DTNA: variants seen among roughly 807,000 people sequenced by gnomAD.
The protein encoded by DTNA is dystrobrevin alpha.
In DTNA, 43 loss-of-function variants were observed where a neutral mutation model predicts 100.7. The ratio of observed to expected loss-of-function variants is 0.43; its 90% CI spans 0.33 to 0.55. The LOEUF (loss-of-function observed/expected upper bound fraction) is 0.55. Among genes scored for constraint, DTNA ranks in the 20% least tolerant of loss-of-function variants. DTNA has a pLI of 0.04. For missense variants in DTNA, 798 were observed against 953.9 expected (o/e 0.84, Z 2.15); for synonymous variants, 349 against 347.9 (o/e 1.00, Z -0.04).
At chr18:34,506,733 A>T (rs955652033) in intron 1 of DTNA, among the ~76,000 whole-genome samples, 1 of 152,154 alleles carries the variant, frequency 6.6e-6, no homozygotes, top group East Asian at 1.9e-4. Context: ...GATTCCAGGG[A>T]ACTCACCATC....
chr18:34,833,435 T>TGA (rs982602672), intron 11 of DTNA, among the ~76,000 whole-genome samples: 2 of 149,870 alleles, frequency 1.3e-5, no homozygotes, highest in Non-Finnish European at 3.0e-5. Context: ...TGTGTGTGTG[T>TGA]GAGAAAAATT....
At chr18:34,819,560 A>G (rs2095663878) in intron 8 of DTNA, among the ~76,000 whole-genome samples, 1 of 152,224 alleles carries the variant, frequency 6.6e-6, no homozygotes, top group Non-Finnish European at 1.5e-5. Flanking sequence ...ATCCTAAAAG[A>G]TTTGATGTTT....
intron 1 of DTNA, among the ~76,000 whole-genome samples, chr18:34,738,612 C>T (rs1842408): frequency 0.037 from 5,598 of 152,272 alleles, 325 homozygotes; most frequent in African/African-American, 0.13. Context: ...CTCTGCACCT[C>T]GGTCTCTTTA....
chr18:34,783,667 G>T (rs990065492), intron 3 of DTNA, among the ~76,000 whole-genome samples: 3 of 152,186 alleles, frequency 2.0e-5, no homozygotes, highest in Non-Finnish European at 2.9e-5. Flanking sequence ...TCTGAAGATT[G>T]TGCCTTTAGT....
At chr18:34,716,040 T>TG (rs1289401968) in intron 1 of DTNA, among the ~76,000 whole-genome samples, 6 of 152,110 alleles carry the variant, frequency 3.9e-5, no homozygotes, top group African/African-American at 1.4e-4. Context: ...CAGTGTACAC[T>TG]GGGTGCAGGT....
chr18:34,690,414 G>A (rs550008390), intron 1 of DTNA, among the ~76,000 whole-genome samples: 18 of 152,266 alleles, frequency 1.2e-4, no homozygotes, highest in East Asian at 3.9e-4. Context: ...TGCGCTTCCC[G>A]GGTGAGGCAA....
intron 17 of DTNA, chr18:34,866,222 T>C (rs2096701854): frequency 6.2e-7 from 1 of 1,612,876 alleles, no homozygotes; most frequent in African/African-American, 1.3e-5. Flanking sequence ...TAATGTATGT[T>C]CATGCTTCAG....
intron 11 of DTNA, among the ~76,000 whole-genome samples, chr18:34,835,836 T>C (rs1258948404): frequency 1.3e-5 from 2 of 152,270 alleles, no homozygotes; most frequent in African/African-American, 2.4e-5. Flanking sequence ...TTATCTTGCA[T>C]GTTCAGCATG....
chr18:34,813,491 A>G (rs1568611483), intron 6 of DTNA, among the ~76,000 whole-genome samples: 1 of 151,656 alleles, frequency 6.6e-6, no homozygotes, highest in Non-Finnish European at 1.5e-5. Context: ...TGCATACAAC[A>G]AATGCTCACT....
At chr18:34,777,137 T>A (rs1367596328) in intron 3 of DTNA, among the ~76,000 whole-genome samples, 1 of 152,232 alleles carries the variant, frequency 6.6e-6, no homozygotes, top group East Asian at 1.9e-4. Flanking sequence ...CGCTATGCTA[T>A]GTAATTTACT....
rs757459031 is a variant in DTNA, at chr18:34,827,574, A to G, written c.1002-19A>G. 1.9e-6 allele frequency: 3 copies of G among 1,612,324 alleles called. No homozygotes were observed. Among genetic ancestry groups the G allele is most frequent in the Non-Finnish European group, 2.5e-6 (3 of 1,178,402 alleles). On this transcript the variant is annotated intron_variant, in intron 9 of 22. Transcript: ENST00000444659. ...TTTTATTTGTTTTAACTTTCCATTCACCCTGTGTTTTGTTTTAGGCCTCCC... is the reference window on the plus strand; with the variant it reads ...TTTTATTTGTTTTAACTTTCCATTCGCCCTGTGTTTTGTTTTAGGCCTCCC...
chr18:34,762,320 C>T (rs1039039517), intron 2 of DTNA, among the ~76,000 whole-genome samples: 1 of 152,114 alleles, frequency 6.6e-6, no homozygotes, highest in Non-Finnish European at 1.5e-5. Flanking sequence ...TGGACTGGGT[C>T]ACAATACAGT....
At chr18:34,654,685 G>A (rs546695257) in intron 1 of DTNA, among the ~76,000 whole-genome samples, 2 of 152,168 alleles carry the variant, frequency 1.3e-5, no homozygotes, top group East Asian at 3.9e-4. Flanking sequence ...GATAATCTAT[G>A]TTCCACTATG....
chr18:34,498,096 T>A (rs1273007785), intron 1 of DTNA, among the ~76,000 whole-genome samples: 1 of 151,744 alleles, frequency 6.6e-6, no homozygotes, highest in African/African-American at 2.4e-5. Context: ...GCCTGGCCAA[T>A]ATTGTGAAAC....
intron 1 of DTNA, among the ~76,000 whole-genome samples, chr18:34,628,067 A>T (rs1330870585): frequency 6.6e-6 from 1 of 152,206 alleles, no homozygotes; most frequent in Non-Finnish European, 1.5e-5. Flanking sequence ...CTGGGATTAC[A>T]GGCATGAGCC....
chr18:34,881,437 C>CTTTTTTTTTTTTTTTTTTTTTTTTTTT (rs752828928), intron 20 of DTNA, among the ~76,000 whole-genome samples: 2 of 51,384 alleles, frequency 3.9e-5, no homozygotes. Context: ...AATTAAAATG[C>CTTTTTTTTTTTTTTTTTTTTTTTTTTT]TTTTTTTTTT....
intron 1 of DTNA, among the ~76,000 whole-genome samples, chr18:34,658,160 C>T (rs1349693870): frequency 6.6e-6 from 1 of 152,088 alleles, no homozygotes; most frequent in African/African-American, 2.4e-5. Flanking sequence ...AGAGAGTATG[C>T]AGCAGGATAT....
intron 1 of DTNA, among the ~76,000 whole-genome samples, chr18:34,554,914 C>G (rs1245219948): frequency 1.3e-5 from 2 of 149,526 alleles, no homozygotes; most frequent in South Asian, 2.1e-4. Context: ...AGGATTCCCC[C>G]TTTTTCTATT....
At chr18:34,625,183 C>T (rs1342339733) in intron 1 of DTNA, among the ~76,000 whole-genome samples, 1 of 152,196 alleles carries the variant, frequency 6.6e-6, no homozygotes, top group African/African-American at 2.4e-5. Context: ...TATACCACCA[C>T]GTCCGGCTAA....
Sources: gnomAD v4.1 joint callset for allele counts (sites outside exome capture counted in the v4.1 genomes callset) on GRCh38, gnomAD v4.1.1 for gene constraint, MANE v1.5 for transcripts, NCBI Gene and HGNC (gene_info 2026-07-23, HGNC 2026-07-21) for gene names.